ZNF385D: variants seen among roughly 807,000 people sequenced by gnomAD.
ZNF385D encodes the protein zinc finger protein 385D.
ZNF385D carries 15 observed loss-of-function variants against 35.8 expected under a neutral mutation model. The ratio of observed to expected loss-of-function variants is 0.42; its 90% CI spans 0.28 to 0.64. The LOEUF (loss-of-function observed/expected upper bound fraction) is 0.64, where lower values mean the gene tolerates loss of function less well. Among genes scored for constraint, ZNF385D ranks in the 30% least tolerant of loss-of-function variants. The pLI, the probability that ZNF385D is intolerant of heterozygous loss-of-function variation, is 0.23. For missense variants in ZNF385D, 474 were observed against 494.6 expected, an observed-to-expected ratio of 0.96 and a Z score of 0.39; for synonymous variants, 212 against 186.8, an observed-to-expected ratio of 1.13 and a Z score of -1.10.
chr3:22,342,582 C>G (rs7652618), intron 2 of ZNF385D, among the ~76,000 whole-genome samples: 63,364 of 151,970 alleles, frequency 0.42, 15,799 homozygotes, highest in African/African-American at 0.7. Flanking sequence ...CCAAAGAACA[C>G]ATCTCTGCAG....
intron 1 of ZNF385D, among the ~76,000 whole-genome samples, chr3:21,665,631 T>C (rs2125264235): frequency 6.6e-6 from 1 of 152,306 alleles, no homozygotes; most frequent in Non-Finnish European, 1.5e-5. Flanking sequence ...GCTCTGAGTA[T>C]TCAACAACTC....
intron 3 of ZNF385D, among the ~76,000 whole-genome samples, chr3:21,563,029 T>C (rs1001098777): frequency 1.3e-5 from 2 of 152,214 alleles, no homozygotes; most frequent in African/African-American, 2.4e-5. Context: ...TAAGTGCTGG[T>C]ATGGTCTGAT....
intron 2 of ZNF385D, among the ~76,000 whole-genome samples, chr3:21,641,177 G>C (rs143889251): frequency 1.1e-3 from 164 of 152,200 alleles, no homozygotes; most frequent in African/African-American, 3.8e-3. Context: ...CCTGTGGTGA[G>C]CATCCTTCTC....
At chr3:22,049,928 A>G (rs923063495) in intron 3 of ZNF385D, among the ~76,000 whole-genome samples, 24 of 152,158 alleles carry the variant, frequency 1.6e-4, no homozygotes, top group Non-Finnish European at 3.2e-4. Context: ...TTTTGCATCT[A>G]TGTTTATCAG....
intron 3 of ZNF385D, among the ~76,000 whole-genome samples, chr3:21,545,696 A>G (rs1204699425): frequency 6.6e-6 from 1 of 152,212 alleles, no homozygotes; most frequent in Non-Finnish European, 1.5e-5. Flanking sequence ...ATGCTTCCCT[A>G]TAAGGAGTCA....
chr3:21,748,910 G>T (rs545906728), intron 1 of ZNF385D, among the ~76,000 whole-genome samples: 2 of 151,936 alleles, frequency 1.3e-5, no homozygotes, highest in Admixed American at 6.6e-5. Context: ...TTTTGCCCTC[G>T]CTCTTGTACC....
chr3:21,602,381 T>C (rs1287995537), intron 2 of ZNF385D, among the ~76,000 whole-genome samples: 7 of 152,044 alleles, frequency 4.6e-5, no homozygotes, highest in Non-Finnish European at 7.4e-5. Flanking sequence ...CGTGCAAATA[T>C]TGATGAAAAT....
chr3:22,370,278 C>G (rs1020054798), intron 2 of ZNF385D, among the ~76,000 whole-genome samples: 1 of 152,004 alleles, frequency 6.6e-6, no homozygotes, highest in Admixed American at 6.5e-5. Flanking sequence ...ATGTTAGCAC[C>G]AGACATGTTT....
At chr3:22,088,540 T>C (rs774960229) in intron 3 of ZNF385D, among the ~76,000 whole-genome samples, 2 of 152,068 alleles carry the variant, frequency 1.3e-5, no homozygotes, top group Non-Finnish European at 2.9e-5. Context: ...GCATGAGACT[T>C]AAAAATGCTC....
chr3:21,599,377 C>T (rs891713712), intron 2 of ZNF385D, among the ~76,000 whole-genome samples: 2 of 152,104 alleles, frequency 1.3e-5, no homozygotes, highest in South Asian at 2.1e-4. Context: ...AAACATTAAA[C>T]GTAAATAATT....
At chr3:22,330,940 T>A (rs956650946) in intron 2 of ZNF385D, among the ~76,000 whole-genome samples, 3 of 152,210 alleles carry the variant, frequency 2.0e-5, no homozygotes, top group African/African-American at 7.2e-5. Flanking sequence ...ACTTGGCATG[T>A]CTTTCTGGGG....
intron 4 of ZNF385D, among the ~76,000 whole-genome samples, chr3:21,438,526 G>A (rs1701690507): frequency 6.6e-6 from 1 of 152,096 alleles, no homozygotes; most frequent in Non-Finnish European, 1.5e-5. Context: ...CCAGGCATAG[G>A]GGTGAAAATA....
At chr3:21,832,824 C>T (rs1323510854) in intron 3 of ZNF385D, among the ~76,000 whole-genome samples, 1 of 152,098 alleles carries the variant, frequency 6.6e-6, no homozygotes, top group Non-Finnish European at 1.5e-5. Context: ...ATGAGCTCTA[C>T]TCTTTTTCAT....
In ZNF385D at chr3:21,923,317, C is replaced by T. The variant is rs144934768; in HGVS notation, c.325+245500G>A. ...TCAAAACCACAATGAGATACCATCT[C>T]ACACTACTAAGAATGGCCATTATGA... is the stretch of plus-strand genomic sequence containing the variant. On this transcript the variant is annotated intron_variant, in intron 3 of 5. Coordinates refer to the ZNF385D transcript ENST00000494108. Among the ~76,000 whole-genome samples, 382 of 152,096 alleles carry T rather than the reference C, an allele frequency of 2.5e-3. 2 individuals are homozygous for T. Among genetic ancestry groups the T allele is most frequent in the African/African-American group, 8.7e-3 (362 of 41,488 alleles).
At chr3:22,297,468 C>A (rs1049733295) in intron 2 of ZNF385D, among the ~76,000 whole-genome samples, 8 of 152,094 alleles carry the variant, frequency 5.3e-5, no homozygotes, top group Non-Finnish European at 1.2e-4. Context: ...TATAAAGGGA[C>A]AAGCCCCTTG....
intron 3 of ZNF385D, among the ~76,000 whole-genome samples, chr3:22,164,275 T>G (rs1341437550): frequency 4.4e-5 from 6 of 134,910 alleles, no homozygotes; most frequent in African/African-American, 1.1e-4. Flanking sequence ...TGTTGCCAGG[T>G]TGTAGTACAA....
chr3:22,224,742 C>A (rs902050578), intron 2 of ZNF385D, among the ~76,000 whole-genome samples: 2 of 152,170 alleles, frequency 1.3e-5, no homozygotes, highest in African/African-American at 4.8e-5. Context: ...TGATAATGAA[C>A]CTTGGGACAC....
intron 3 of ZNF385D, among the ~76,000 whole-genome samples, chr3:22,090,758 G>C (rs1444320894): frequency 6.6e-6 from 1 of 152,128 alleles, no homozygotes; most frequent in African/African-American, 2.4e-5. Flanking sequence ...AAATGAAATT[G>C]ACAACACTGA....
intron 2 of ZNF385D, among the ~76,000 whole-genome samples, chr3:22,240,647 T>G (rs1309743058): frequency 1.3e-5 from 2 of 151,016 alleles, no homozygotes; most frequent in Non-Finnish European, 2.9e-5. Context: ...TTGCAGCAAT[T>G]GACCCACAAT....
Sources: allele counts gnomAD v4.1 joint callset (sites outside exome capture counted in the v4.1 genomes callset), GRCh38; gene constraint gnomAD v4.1.1; transcripts MANE v1.5; gene names NCBI Gene and HGNC (gene_info 2026-07-23, HGNC 2026-07-21).